L3MBTL4: variants seen among roughly 807,000 people sequenced by gnomAD.
L3MBTL4 encodes L3MBTL histone methyl-lysine binding protein 4.
A neutral mutation model predicts 84.5 loss-of-function variants in L3MBTL4; 70 were observed. The observed-to-expected ratio is 0.83, with a 90% CI of 0.68 to 1.01. L3MBTL4 has a LOEUF of 1.01. L3MBTL4 is among the 50% of genes least tolerant of loss of function. L3MBTL4 has a pLI of 0.00. For missense variants in L3MBTL4, 715 were observed against 754.8 expected, an observed-to-expected ratio of 0.95 and a Z score of 0.62; for synonymous variants, 274 against 259.8, an observed-to-expected ratio of 1.05 and a Z score of -0.52.
chr18:6,112,316 G>T (rs2059220185), intron 14 of L3MBTL4, among the ~76,000 whole-genome samples: 1 of 152,162 alleles, frequency 6.6e-6, no homozygotes, highest in Admixed American at 6.6e-5. Flanking sequence ...GACAACCGAG[G>T]ATCGCATCTT....
intron 1 of L3MBTL4, among the ~76,000 whole-genome samples, chr18:6,362,957 C>G (rs2053773960): frequency 6.6e-6 from 1 of 152,248 alleles, no homozygotes; most frequent in East Asian, 1.9e-4. Flanking sequence ...GCGGAAAGCA[C>G]TCATCTACCG....
intron 12 of L3MBTL4, among the ~76,000 whole-genome samples, chr18:6,172,641 T>C (rs1459279239): frequency 6.6e-6 from 1 of 152,170 alleles, no homozygotes; most frequent in Non-Finnish European, 1.5e-5. Flanking sequence ...TTGCATCTTA[T>C]CTGCAAAACA....
Position 6,389,764 on chromosome 18 carries a change from A to G in L3MBTL4, c.-91+25037T>C, listed in dbSNP as rs188106714. On this transcript the variant is annotated intron_variant, in intron 1 of 18. Transcript: ENST00000317931. ...AACAGGAAACTATCACCCTAAATAT[A>G]TATGCACCTAACACTGGAGCTCCAA... Among the ~76,000 whole-genome samples the G allele has an allele frequency of 5.3e-5, 8 of 152,326 alleles. 1 individual carries two copies. Among genetic ancestry groups the G allele is most frequent in the African/African-American group, 1.2e-4 (5 of 41,576 alleles).
chr18:6,226,102 T>A (rs573567235), intron 10 of L3MBTL4, among the ~76,000 whole-genome samples: 1 of 152,088 alleles, frequency 6.6e-6, no homozygotes, highest in African/African-American at 2.4e-5. Flanking sequence ...CTGCTTAATA[T>A]AAATCACTGT....
At chr18:6,115,429 G>C (rs2059327955) in intron 14 of L3MBTL4, among the ~76,000 whole-genome samples, 1 of 152,234 alleles carries the variant, frequency 6.6e-6, no homozygotes, top group Non-Finnish European at 1.5e-5. Flanking sequence ...CGGGGTAAGA[G>C]AGGGAATGGG....
chr18:6,090,843 C>T (rs145042158), intron 15 of L3MBTL4, among the ~76,000 whole-genome samples: 1 of 149,964 alleles, frequency 6.7e-6, no homozygotes. Context: ...TGATGTTGCC[C>T]AGACTGGAAC....
In L3MBTL4 at chr18:6,038,251, C is replaced by CTTTTTTTTTTTTTTTTTTTTTTTTTTT. The variant is rs34580980; in HGVS notation, c.1444+42629_1444+42630insAAAAAAAAAAAAAAAAAAAAAAAAAAA. Among the ~76,000 whole-genome samples, 4 of 97,862 alleles carry CTTTTTTTTTTTTTTTTTTTTTTTTTTT rather than the reference C, an allele frequency of 4.1e-5. 1 individual carries two copies. Among genetic ancestry groups the CTTTTTTTTTTTTTTTTTTTTTTTTTTT allele is most frequent in the African/African-American group, 3.7e-5 (1 of 27,194 alleles). The allele number at this position is 97,862 out of a possible 152,430, so 64.2% of individuals were successfully genotyped here. A position where few individuals can be genotyped will look rare whatever the true frequency, so the allele number is the denominator to read the frequency against. Reference sequence around the variant, plus strand: ...GGATACTAGAAATCCATTTCTGGATCTTTTTTTTTTTTTTTTTTTTGAGAC... The same window carrying CTTTTTTTTTTTTTTTTTTTTTTTTTTT: ...GGATACTAGAAATCCATTTCTGGATCTTTTTTTTTTTTTTTTTTTTTTTTTTTTTTTTTTTTTTTTTTTTTTTGAGAC... On this transcript the variant is annotated intron_variant, in intron 16 of 18. Coordinates refer to ENST00000317931, the MANE Select transcript of L3MBTL4 (RefSeq NM_001330559.2).
chr18:5,968,445 C>A, intron 17 of L3MBTL4, among the ~76,000 whole-genome samples: 1 of 152,234 alleles, frequency 6.6e-6, no homozygotes, highest in African/African-American at 2.4e-5. Context: ...TGCAAGTAAT[C>A]CCAGTGCTTT....
chr18:6,254,412 C>CTTTTTTTTTTTTTTT (rs763440464), intron 5 of L3MBTL4, among the ~76,000 whole-genome samples: 14 of 112,714 alleles, frequency 1.2e-4, no homozygotes, highest in East Asian at 5.0e-4. Flanking sequence ...AAAGTGACAC[C>CTTTTTTTTTTTTTTT]TTTTTTTTTT....
intron 1 of L3MBTL4, among the ~76,000 whole-genome samples, 177 bp from the exon 2 acceptor site, chr18:6,312,233 T>C (rs1199206362): frequency 6.6e-6 from 1 of 152,246 alleles, no homozygotes; most frequent in African/African-American, 2.4e-5. Context: ...CCGCTGGAGC[T>C]ATAATTCAGA....
intron 3 of L3MBTL4, among the ~76,000 whole-genome samples, chr18:6,304,014 C>CA (rs201628744): frequency 0.022 from 1,141 of 51,690 alleles, 15 homozygotes; most frequent in African/African-American, 0.042. Flanking sequence ...AACTCCATCT[C>CA]AAAAAAAAAA....
chr18:6,014,000 T>C (rs114730635), intron 16 of L3MBTL4, among the ~76,000 whole-genome samples: 7,386 of 152,246 alleles, frequency 0.049, 436 homozygotes, highest in Admixed American at 0.17. Context: ...TGGAGGCTTG[T>C]GGCTGGCAAT....
At chr18:6,106,640 G>A (rs2059019180) in intron 14 of L3MBTL4, among the ~76,000 whole-genome samples, 1 of 152,076 alleles carries the variant, frequency 6.6e-6, no homozygotes, top group African/African-American at 2.4e-5. Flanking sequence ...CTTTCTGCCA[G>A]AAAAAGGCTT....
intron 1 of L3MBTL4, among the ~76,000 whole-genome samples, chr18:6,333,301 G>A (rs144796697): frequency 2.1e-4 from 32 of 152,258 alleles, no homozygotes; most frequent in African/African-American, 6.5e-4. Context: ...TGGGCCAGGC[G>A]TGGTGGCTCA....
At chr18:6,031,668 C>T (rs1165710338) in intron 16 of L3MBTL4, 1 of 983,092 alleles carries the variant, frequency 1.0e-6, no homozygotes, top group African/African-American at 1.7e-5. Context: ...TCACAGGTCT[C>T]ATCCTCCAGC....
chr18:6,335,475 A>G (rs2052286452), intron 1 of L3MBTL4, among the ~76,000 whole-genome samples: 1 of 152,236 alleles, frequency 6.6e-6, no homozygotes, highest in Non-Finnish European at 1.5e-5. Context: ...CTACTCTAAA[A>G]TCAATTTGCA....
At chr18:6,179,508 G>A (rs539226704) in intron 12 of L3MBTL4, among the ~76,000 whole-genome samples, 1 of 152,318 alleles carries the variant, frequency 6.6e-6, no homozygotes, top group Admixed American at 6.5e-5. Context: ...GTGGGTTCAG[G>A]GATAGTACTG....
At chr18:6,272,008 G>C (rs1220525469) in intron 4 of L3MBTL4, among the ~76,000 whole-genome samples, 5 of 152,210 alleles carry the variant, frequency 3.3e-5, no homozygotes, top group African/African-American at 4.8e-5. Context: ...AATGAACTGG[G>C]AGGCAGATGA....
At chr18:6,336,923 TA>T (rs2052366519) in intron 1 of L3MBTL4, among the ~76,000 whole-genome samples, 1 of 152,160 alleles carries the variant, frequency 6.6e-6, no homozygotes, top group South Asian at 2.1e-4. Flanking sequence ...AAAATTAAAT[TA>T]AATTAATGAA....
Sources: allele counts gnomAD v4.1 joint callset (sites outside exome capture counted in the v4.1 genomes callset), GRCh38; gene constraint gnomAD v4.1.1; transcripts MANE v1.5; gene names NCBI Gene and HGNC (gene_info 2026-07-23, HGNC 2026-07-21).